Variants in GRM5 observed in about 807,000 individuals in gnomAD.
GRM5 encodes metabotropic glutamate receptor 5.
Under a neutral mutation model 83.1 loss-of-function variants are expected in GRM5, and 19 were observed. The observed-to-expected ratio is 0.23, with a 90% CI of 0.16 to 0.34. The LOEUF is 0.34. GRM5 is among the 10% of genes least tolerant of loss of function. The pLI, the probability that GRM5 is intolerant of heterozygous loss-of-function variation, is 1.00. For synonymous variants in GRM5, 675 were observed against 633.6 expected (o/e 1.07, Z -0.98); for missense variants, 1,160 against 1,588.3 (o/e 0.73, Z 4.58).
intron 9 of GRM5, among the ~76,000 whole-genome samples, chr11:88,513,564 C>CA (rs1352832726): frequency 6.6e-6 from 1 of 152,020 alleles, no homozygotes; most frequent in Non-Finnish European, 1.5e-5. Flanking sequence ...ATGAAAATCA[C>CA]AAAATAATTC....
chr11:88,998,767 T>C (rs1392245068), intron 2 of GRM5, among the ~76,000 whole-genome samples: 3 of 152,208 alleles, frequency 2.0e-5, no homozygotes, highest in Non-Finnish European at 4.4e-5. Context: ...AAAAATCAAA[T>C]GTATTTTTAT....
intron 2 of GRM5, among the ~76,000 whole-genome samples, chr11:88,892,279 G>T (rs907283846): frequency 6.6e-6 from 1 of 151,406 alleles, no homozygotes; most frequent in Non-Finnish European, 1.5e-5. Flanking sequence ...GCTGATAAAA[G>T]CACCTTGGGG....
chr11:88,880,836 A>G (rs1466196233), intron 2 of GRM5, among the ~76,000 whole-genome samples: 1 of 152,168 alleles, frequency 6.6e-6, no homozygotes, highest in East Asian at 1.9e-4. Flanking sequence ...GTTCAATTCT[A>G]TTTCTGCACA....
chr11:88,521,393 G>T (rs565201868), intron 9 of GRM5, among the ~76,000 whole-genome samples: 2 of 152,216 alleles, frequency 1.3e-5, no homozygotes, highest in Admixed American at 6.5e-5. Flanking sequence ...CTCCAGCCTG[G>T]GTGACATTGC....
At chr11:88,526,728 AT>A (rs143211804) in intron 8 of GRM5, among the ~76,000 whole-genome samples, 20,047 of 151,982 alleles carry the variant, frequency 0.13, 1,449 homozygotes, top group Non-Finnish European at 0.16. Flanking sequence ...CTTCCTCTTA[AT>A]TTTTTTTCCC....
chr11:89,031,846 A>G (rs1941270052), intron 2 of GRM5, among the ~76,000 whole-genome samples: 1 of 152,104 alleles, frequency 6.6e-6, no homozygotes, highest in South Asian at 2.1e-4. Flanking sequence ...CTTAATACAT[A>G]TAGTTTAAGT....
intron 3 of GRM5, among the ~76,000 whole-genome samples, chr11:88,829,324 G>A (rs919413990): frequency 2.0e-5 from 3 of 152,062 alleles, no homozygotes; most frequent in Non-Finnish European, 2.9e-5. Context: ...GGTGGGTCGC[G>A]GAAGCACATG....
At chr11:88,542,963 G>A (rs1942302755) in intron 8 of GRM5, among the ~76,000 whole-genome samples, 1 of 152,174 alleles carries the variant, frequency 6.6e-6, no homozygotes, top group Admixed American at 6.5e-5. Context: ...AGCTACAAAG[G>A]AGGCTGAGGC....
At chr11:88,978,643 T>A (rs1939420861) in intron 2 of GRM5, among the ~76,000 whole-genome samples, 1 of 151,982 alleles carries the variant, frequency 6.6e-6, no homozygotes, top group Non-Finnish European at 1.5e-5. Context: ...ATTTTGTATG[T>A]CAAGAAATTA....
chr11:89,043,260 T>C (rs960010180), intron 2 of GRM5, among the ~76,000 whole-genome samples: 1 of 152,216 alleles, frequency 6.6e-6, no homozygotes, highest in African/African-American at 2.4e-5. Flanking sequence ...CTGTAGATTT[T>C]CAACTAAAGT....
At chr11:88,667,526 A>T (rs1940074719) in intron 3 of GRM5, among the ~76,000 whole-genome samples, 1 of 152,312 alleles carries the variant, frequency 6.6e-6, no homozygotes, top group African/African-American at 2.4e-5. Flanking sequence ...AAAGAAGCAC[A>T]TTAAACCCTC....
intron 2 of GRM5, among the ~76,000 whole-genome samples, chr11:88,904,900 A>G (rs1481000411): frequency 1.3e-5 from 2 of 152,198 alleles, no homozygotes; most frequent in African/African-American, 4.8e-5. Flanking sequence ...ATCAGGCTGC[A>G]TTATTTGTTA....
At chr11:88,847,749 A>G (rs1944323834) in intron 3 of GRM5, among the ~76,000 whole-genome samples, 1 of 152,222 alleles carries the variant, frequency 6.6e-6, no homozygotes, top group Non-Finnish European at 1.5e-5. Flanking sequence ...GATAAAAAAA[A>G]TCTAACTAGA....
At chr11:88,670,968 C>T (rs1440249118) in intron 3 of GRM5, among the ~76,000 whole-genome samples, 2 of 151,924 alleles carry the variant, frequency 1.3e-5, no homozygotes, top group Admixed American at 6.6e-5. Flanking sequence ...AACAGAAATG[C>T]TATTAAATAC....
intron 2 of GRM5, among the ~76,000 whole-genome samples, chr11:88,980,056 T>C (rs887523050): frequency 6.6e-6 from 1 of 152,218 alleles, no homozygotes; most frequent in Non-Finnish European, 1.5e-5. Context: ...TCTGAAGATA[T>C]GATCATTGGG....
At chr11:88,846,778 C>G (rs1373467273) in intron 3 of GRM5, among the ~76,000 whole-genome samples, 2 of 150,564 alleles carry the variant, frequency 1.3e-5, no homozygotes, top group African/African-American at 4.9e-5. Context: ...TTCAGAATAT[C>G]TGTAAACAAA....
chr11:88,630,691 G>A (rs1328660088), intron 4 of GRM5, among the ~76,000 whole-genome samples: 1 of 151,866 alleles, frequency 6.6e-6, no homozygotes, highest in East Asian at 1.9e-4. Flanking sequence ...CCATTCTCCT[G>A]CCTCAGCCTC....
At chr11:88,605,653 A>G (rs1938121493) in intron 4 of GRM5, among the ~76,000 whole-genome samples, 1 of 152,222 alleles carries the variant, frequency 6.6e-6, no homozygotes, top group Non-Finnish European at 1.5e-5. Flanking sequence ...TAACAGAGAT[A>G]AATTATGTAA....
intron 3 of GRM5, among the ~76,000 whole-genome samples, chr11:88,781,653 T>C (rs1420857987): frequency 6.6e-6 from 1 of 152,210 alleles, no homozygotes; most frequent in Non-Finnish European, 1.5e-5. Flanking sequence ...AGTAGTTAGC[T>C]TGTTCTGCTG....
Sources: allele counts gnomAD v4.1 joint callset (sites outside exome capture counted in the v4.1 genomes callset), GRCh38; gene constraint gnomAD v4.1.1; transcripts MANE v1.5; gene names NCBI Gene and HGNC (gene_info 2026-07-23, HGNC 2026-07-21).